The following CFAP20DC variants were observed in gnomAD, a reference collection of about 807,000 sequenced individuals.
CFAP20DC encodes protein CFAP20DC.
CFAP20DC carries 84 observed loss-of-function variants against 101.7 expected under a neutral mutation model. That is an observed-to-expected ratio of 0.83 (90% CI 0.69 to 0.99). The LOEUF (loss-of-function observed/expected upper bound fraction) is 0.99, where lower values mean the gene tolerates loss of function less well. Among genes scored for constraint, CFAP20DC ranks in the 50% least tolerant of loss-of-function variants. The probability of loss-of-function intolerance (pLI) is 0.00; values close to 1 mark genes in which losing one functional copy is unlikely to be tolerated. For missense variants in CFAP20DC, 1,007 were observed against 970.3 expected (o/e 1.04, Z -0.50); for synonymous variants, 359 against 351.2 (o/e 1.02, Z -0.25).
chr3:58,880,665 C>T (rs985785459), intron 7 of CFAP20DC, among the ~76,000 whole-genome samples: 14 of 152,006 alleles, frequency 9.2e-5, no homozygotes, highest in African/African-American at 2.7e-4. Flanking sequence ...TTAAAATTCA[C>T]TCTATAAATG....
At chr3:58,918,386 A>G (rs1019443484) in intron 5 of CFAP20DC, among the ~76,000 whole-genome samples, 3 of 152,138 alleles carry the variant, frequency 2.0e-5, no homozygotes, top group Admixed American at 1.3e-4. Flanking sequence ...TCACTCCTAC[A>G]GATGCATCCA....
At chr3:58,784,252 A>G (rs911737605) in intron 15 of CFAP20DC, among the ~76,000 whole-genome samples, 16 of 152,114 alleles carry the variant, frequency 1.1e-4, no homozygotes, top group Admixed American at 2.0e-4. Flanking sequence ...TAAAAAGGAC[A>G]TGATTTCATT....
At chr3:58,766,298 A>G (rs189921706) in intron 15 of CFAP20DC, among the ~76,000 whole-genome samples, 142 of 152,306 alleles carry the variant, frequency 9.3e-4, no homozygotes, top group Middle Eastern at 3.4e-3. Context: ...TACAGGCTAT[A>G]TAGTTCAATG....
chr3:58,930,980 G>A (rs1409037239), intron 5 of CFAP20DC, among the ~76,000 whole-genome samples: 3 of 152,176 alleles, frequency 2.0e-5, no homozygotes, highest in Admixed American at 6.5e-5. Context: ...TGCCTCACTC[G>A]GGAAGCACAA....
At chr3:58,890,312 A>G (rs1482974970) in intron 6 of CFAP20DC, among the ~76,000 whole-genome samples, 1 of 125,478 alleles carries the variant, frequency 8.0e-6, no homozygotes, top group Non-Finnish European at 1.7e-5. Flanking sequence ...CGGGGGGCTG[A>G]CCCCCCCACC....
At chr3:58,948,395 C>G (rs2089642493) in intron 4 of CFAP20DC, among the ~76,000 whole-genome samples, 1 of 152,182 alleles carries the variant, frequency 6.6e-6, no homozygotes, top group African/African-American at 2.4e-5. Flanking sequence ...TGACTTGCTA[C>G]AGCATGTTTT....
chr3:59,005,686 T>G (rs1333417281), intron 4 of CFAP20DC, among the ~76,000 whole-genome samples: 1 of 152,202 alleles, frequency 6.6e-6, no homozygotes, highest in Non-Finnish European at 1.5e-5. Flanking sequence ...GTTACATAAC[T>G]ATCATTAGCT....
At chr3:58,766,994 T>A (rs889123826) in intron 15 of CFAP20DC, among the ~76,000 whole-genome samples, 2 of 152,218 alleles carry the variant, frequency 1.3e-5, no homozygotes, top group Non-Finnish European at 2.9e-5. Flanking sequence ...TTAAGAGCTC[T>A]CGTCTCAGCT....
At chr3:58,756,359 C>A (rs1372082781) in intron 15 of CFAP20DC, among the ~76,000 whole-genome samples, 2 of 152,136 alleles carry the variant, frequency 1.3e-5, no homozygotes, top group African/African-American at 4.8e-5. Flanking sequence ...AACCTACTCT[C>A]TCAAGTTCTC....
At chr3:58,730,821 T>TA (rs2107078597) in intron 3 of CFAP20DC, among the ~76,000 whole-genome samples, 1 of 152,306 alleles carries the variant, frequency 6.6e-6, no homozygotes, top group South Asian at 2.1e-4. Context: ...TCATACACGG[T>TA]AAGCAGTGTG....
At chr3:58,918,056 C>T (rs1383889302) in intron 5 of CFAP20DC, among the ~76,000 whole-genome samples, 1 of 152,146 alleles carries the variant, frequency 6.6e-6, no homozygotes, top group African/African-American at 2.4e-5. Flanking sequence ...CACCATGCTC[C>T]CTAAAATTCT....
At chr3:58,890,767 C>CTGCAATCTCGGCACTTTGGGA (rs1487915181) in intron 6 of CFAP20DC, among the ~76,000 whole-genome samples, 1 of 149,180 alleles carries the variant, frequency 6.7e-6, no homozygotes, top group African/African-American at 2.5e-5. Context: ...CGGGCAGAGG[C>CTGCAATCTCGGCACTTTGGGA]GCTCCTCACA....
chr3:58,927,650 T>C (rs1466749051), intron 5 of CFAP20DC, among the ~76,000 whole-genome samples: 3 of 152,218 alleles, frequency 2.0e-5, no homozygotes, highest in African/African-American at 4.8e-5. Flanking sequence ...GCTTTTAGAA[T>C]GCTGTTTTGA....
chr3:58,819,135 C>G (rs1342879705), intron 14 of CFAP20DC, among the ~76,000 whole-genome samples: 1 of 145,226 alleles, frequency 6.9e-6, no homozygotes, highest in African/African-American at 2.6e-5. Context: ...GGGACGCATT[C>G]AAAGCAATGT....
rs907548791 is a variant in CFAP20DC at position 58,777,774 on chromosome 3, C to T, written c.2238-23911G>A. 3.3e-5 allele frequency among the ~76,000 whole-genome samples: 5 copies of T among 152,258 alleles called. No homozygotes were observed. The East Asian group carries it at 9.7e-4, about 29-fold the overall frequency. On this transcript the variant is annotated intron_variant, in intron 15 of 16. Transcript: ENST00000482387. The stretch of plus-strand genomic sequence containing the variant: ...CTGCCACAGACTCCTGTAATCCTAG[C>T]CACAGTAGAGCCTGTTGACCCTTGA...
chr3:58,941,934 C>A (rs910113310), intron 4 of CFAP20DC, among the ~76,000 whole-genome samples: 1 of 152,276 alleles, frequency 6.6e-6, no homozygotes, highest in South Asian at 2.1e-4. Flanking sequence ...ACAATATATA[C>A]CCTTGCTTTA....
intron 5 of CFAP20DC, among the ~76,000 whole-genome samples, chr3:58,919,204 T>C (rs1037082521): frequency 6.6e-6 from 1 of 152,196 alleles, no homozygotes; most frequent in African/African-American, 2.4e-5. Context: ...GTAAATGGTG[T>C]CTTTCACTCA....
At chr3:58,970,895 T>C (rs2091909541) in intron 4 of CFAP20DC, among the ~76,000 whole-genome samples, 1 of 152,146 alleles carries the variant, frequency 6.6e-6, no homozygotes, top group African/African-American at 2.4e-5. Context: ...ATCATCTATT[T>C]TCAAGTAACA....
chr3:58,901,536 G>A (rs2083146953), intron 6 of CFAP20DC, among the ~76,000 whole-genome samples: 1 of 152,228 alleles, frequency 6.6e-6, no homozygotes, highest in South Asian at 2.1e-4. Context: ...TAATGTAAAT[G>A]AGGGGATAAG....
Sources: gnomAD v4.1 joint callset for allele counts (sites outside exome capture counted in the v4.1 genomes callset) on GRCh38, gnomAD v4.1.1 for gene constraint, MANE v1.5 for transcripts, NCBI Gene and HGNC (gene_info 2026-07-23, HGNC 2026-07-21) for gene names.